Variants in C1orf21 observed in about 807,000 individuals in gnomAD.
The protein encoded by C1orf21 is uncharacterized protein C1orf21.
Under a neutral mutation model 18.7 loss-of-function variants are expected in C1orf21, and 3 were observed. The observed-to-expected ratio is 0.16, with a 90% confidence interval of 0.07 to 0.42. The LOEUF (loss-of-function observed/expected upper bound fraction) is 0.42, where lower values mean the gene tolerates loss of function less well. Among genes scored for constraint, C1orf21 ranks in the 10% least tolerant of loss-of-function variants. The pLI is 0.99. For missense variants in C1orf21, 104 were observed against 143.6 expected (o/e 0.72, Z 1.41); for synonymous variants, 41 against 46.4 (o/e 0.88, Z 0.47).
chr1:184,587,239 T>C (rs1252201064), intron 3 of C1orf21, among the ~76,000 whole-genome samples: 1 of 150,924 alleles, frequency 6.6e-6, no homozygotes, highest in Non-Finnish European at 1.5e-5. Flanking sequence ...TCTTTTTCCT[T>C]AGGACAGCCT....
At position 184,596,858 on chromosome 1, in the gene C1orf21, G is replaced by C. The variant is rs147591040; in HGVS notation, c.267-1543G>C. Among the ~76,000 whole-genome samples the C allele has an allele frequency of 1.7e-3, 248 of 143,688 alleles. 3 individuals carry two copies. Among genetic ancestry groups the C allele is most frequent in the Admixed American group, 0.012 (168 of 14,046 alleles). 94.3% of individuals were successfully genotyped at this position (143,688 alleles called of 152,430 possible). A position where few individuals can be genotyped will look rare whatever the true frequency, so the allele number is the denominator to read the frequency against. On this transcript the variant is annotated intron_variant, in intron 4 of 5. Transcript: ENST00000235307. ...TGTACTCCAGCCTGGGCGAAAGTGC[G>C]AGACGACTCTGTCTCAAAAAAAAAA...
In C1orf21 at chr1:184,526,774, GGAAAGAAAAGGT is replaced by G. The variant is rs1270940133; in HGVS notation, c.189+19093_189+19104del. On this transcript the variant is annotated intron_variant, in intron 3 of 5. Transcript: ENST00000235307. ...TAGAGGTAAGGAAGGGAGAACCGAG[GGAAAGAAAAGGT>G]CTCAACCCCCTTCATTCATTCATTC... 2.0e-5 allele frequency among the ~76,000 whole-genome samples: 3 copies of G among 152,006 alleles called. No homozygotes were observed. In the East Asian group the frequency reaches 5.8e-4, roughly 29 times the overall value.
In C1orf21 at chr1:184,502,310, G is replaced by A. The variant is rs561443259; in HGVS notation, c.95-5278G>A. On this transcript the variant is annotated intron_variant, in intron 2 of 5. Transcript: ENST00000235307. Reference sequence around the variant, plus strand: ...AGCAGGCTAAATTCACGCCTGCAAGGCCTTTTACAAGGGGCTGTAATCCCA... The same window carrying A: ...AGCAGGCTAAATTCACGCCTGCAAGACCTTTTACAAGGGGCTGTAATCCCA... Among the ~76,000 whole-genome samples, 9 of 152,302 alleles carry A rather than the reference G, an allele frequency of 5.9e-5. 1 individual carries two copies. The South Asian group carries it at 1.9e-3, about 32-fold the overall frequency.
chr1:184,518,175 T>G (rs894791366), intron 3 of C1orf21, among the ~76,000 whole-genome samples: 2 of 152,104 alleles, frequency 1.3e-5, no homozygotes, highest in African/African-American at 4.8e-5. Context: ...TGATTTAGAG[T>G]AGAGCTGGAG....
chr1:184,437,476 T>G (rs1343116976), intron 1 of C1orf21, among the ~76,000 whole-genome samples: 1 of 152,112 alleles, frequency 6.6e-6, no homozygotes, highest in Non-Finnish European at 1.5e-5. Context: ...CTGTTTTCTT[T>G]GCCTGGCGTC....
intron 1 of C1orf21, among the ~76,000 whole-genome samples, chr1:184,404,986 G>A (rs1401814945): frequency 6.6e-6 from 1 of 152,074 alleles, no homozygotes; most frequent in Non-Finnish European, 1.5e-5. Flanking sequence ...TCTTGGCTAA[G>A]CCTGTGCAAA....
intron 3 of C1orf21, among the ~76,000 whole-genome samples, chr1:184,569,385 G>C (rs1178186309): frequency 6.6e-6 from 1 of 152,140 alleles, no homozygotes; most frequent in Non-Finnish European, 1.5e-5. Context: ...TCCAGAGCGT[G>C]GTTGAAAGTC....
chr1:184,456,740 T>C (rs894950055), intron 1 of C1orf21, among the ~76,000 whole-genome samples: 2 of 152,210 alleles, frequency 1.3e-5, no homozygotes, highest in Admixed American at 1.3e-4. Context: ...TAGGCACACT[T>C]TGTAACTTTA....
intron 1 of C1orf21, among the ~76,000 whole-genome samples, chr1:184,396,837 G>C (rs886330438): frequency 6.6e-6 from 1 of 152,024 alleles, no homozygotes. Context: ...TCCCCCCACC[G>C]CCTGCAACTG....
intron 1 of C1orf21, among the ~76,000 whole-genome samples, chr1:184,435,996 G>A (rs1204032700): frequency 6.6e-6 from 1 of 152,162 alleles, no homozygotes; most frequent in Non-Finnish European, 1.5e-5. Context: ...GGGTCAGAAA[G>A]TCAAACTAGT....
intron 1 of C1orf21, among the ~76,000 whole-genome samples, chr1:184,437,014 A>T (rs1003474083): frequency 6.6e-6 from 1 of 152,104 alleles, no homozygotes; most frequent in African/African-American, 2.4e-5. Flanking sequence ...GGAAAAAAGG[A>T]ATTGTTGACA....
In C1orf21 at chr1:184,387,636, G is replaced by A. The variant is rs148278853; in HGVS notation, c.-125+268G>A. On this transcript the variant is annotated intron_variant, in intron 1 of 5. Coordinates refer to ENST00000235307, the MANE Select transcript of C1orf21 (RefSeq NM_030806.4). This position sits in a 1 kb window ranked among gnomAD's most constrained non-coding sequence, Gnocchi z 5.6. ...GGCGTCTGCCGGCCTGGGCGGAGGG[G>A]CTGGGATGTGGTCGGGGCTGCTGAC... Among the ~76,000 whole-genome samples the A allele has an allele frequency of 2.7e-3, 405 of 152,196 alleles. 1 individual carries two copies. Among genetic ancestry groups the A allele is most frequent in the African/African-American group, 9.3e-3 (386 of 41,542 alleles).
At chr1:184,520,956 C>T (rs954952087) in intron 3 of C1orf21, among the ~76,000 whole-genome samples, 39 of 152,122 alleles carry the variant, frequency 2.6e-4, no homozygotes, top group African/African-American at 8.2e-4. Context: ...GGCAATGGCA[C>T]GATCTTGGCT....
chr1:184,492,624 T>C (rs867377285), intron 2 of C1orf21, among the ~76,000 whole-genome samples: 1 of 152,218 alleles, frequency 6.6e-6, no homozygotes, highest in Non-Finnish European at 1.5e-5. Context: ...AACATTACCA[T>C]GAGCCTGAAG....
chr1:184,482,309 T>C (rs981217087), intron 2 of C1orf21, among the ~76,000 whole-genome samples: 3 of 152,160 alleles, frequency 2.0e-5, no homozygotes, highest in Admixed American at 6.5e-5. Flanking sequence ...AGAGAAAAAG[T>C]GGAAGCTGCC....
At chr1:184,617,973 G>A (rs1165943246) in intron 5 of C1orf21, among the ~76,000 whole-genome samples, 2 of 142,476 alleles carry the variant, frequency 1.4e-5, no homozygotes, top group African/African-American at 2.6e-5. Context: ...GCAATGGTGC[G>A]ATCTTGGCTC....
chr1:184,444,954 A>G (rs936057520), intron 1 of C1orf21, among the ~76,000 whole-genome samples: 1 of 152,134 alleles, frequency 6.6e-6, no homozygotes, highest in Admixed American at 6.6e-5. Flanking sequence ...GGATGAATAT[A>G]ATATTTGTTC....
chr1:184,483,960 A>G (rs1489209265), intron 2 of C1orf21, among the ~76,000 whole-genome samples: 3 of 151,918 alleles, frequency 2.0e-5, no homozygotes, highest in Non-Finnish European at 4.4e-5. Context: ...ATCTCACTCC[A>G]TCGCCCAGGC....
At chr1:184,615,816 A>G (rs905389570) in intron 5 of C1orf21, among the ~76,000 whole-genome samples, 1 of 152,348 alleles carries the variant, frequency 6.6e-6, no homozygotes, top group African/African-American at 2.4e-5. Context: ...AAAATGGCAT[A>G]TAGTAATTGT....
Sources: allele counts gnomAD v4.1 joint callset (sites outside exome capture counted in the v4.1 genomes callset), GRCh38; gene constraint gnomAD v4.1.1; non-coding constraint Gnocchi (gnomAD v3.1); transcripts MANE v1.5; gene names NCBI Gene and HGNC (gene_info 2026-07-23, HGNC 2026-07-21).